The following ADAMTS6 variants were observed in gnomAD, a reference collection of about 807,000 sequenced individuals.
The protein encoded by ADAMTS6 is ADAM metallopeptidase with thrombospondin type 1 motif 6.
Under a neutral mutation model 144.3 loss-of-function variants are expected in ADAMTS6, and 23 were observed. The observed-to-expected ratio is 0.16, with a 90% confidence interval of 0.11 to 0.23. ADAMTS6 has a LOEUF of 0.23. ADAMTS6 is among the 10% of genes least tolerant of loss of function. ADAMTS6 has a pLI of 1.00. For synonymous variants in ADAMTS6, 444 were observed against 457.5 expected (o/e 0.97, Z 0.38); for missense variants, 999 against 1,379.6 (o/e 0.72, Z 4.37).
chr5:65,282,568 C>T (rs1263365128), intron 11 of ADAMTS6, among the ~76,000 whole-genome samples: 1 of 152,028 alleles, frequency 6.6e-6, no homozygotes, highest in Admixed American at 6.6e-5. Context: ...AGAGACAGCT[C>T]TACAGGGCCG....
chr5:65,260,192 T>C (rs1008975626), intron 14 of ADAMTS6, among the ~76,000 whole-genome samples: 3 of 152,176 alleles, frequency 2.0e-5, no homozygotes, highest in African/African-American at 4.8e-5. Context: ...GGAGGAAATA[T>C]ACAGCATCTT....
At chr5:65,362,173 C>T (rs750862391) in intron 7 of ADAMTS6, among the ~76,000 whole-genome samples, 4 of 152,116 alleles carry the variant, frequency 2.6e-5, no homozygotes, top group Non-Finnish European at 5.9e-5. Flanking sequence ...CATAGTGATC[C>T]ACAGATTATA....
At position 65,196,984 on chromosome 5, in the gene ADAMTS6, C is replaced by T. The variant is rs572174557; in HGVS notation, c.2705+38G>A. ...AATACATAATGTTTTTCTCTTTGCA[C>T]CTGAAGAAAATAATTCTCATTTCTT... On this transcript the variant is annotated intron_variant, in intron 21 of 24. Coordinates refer to ENST00000381055, the MANE Select transcript of ADAMTS6 (RefSeq NM_197941.4). 1.4e-5 allele frequency: 23 copies of T among 1,595,340 alleles called. 1 individual carries two copies. In the South Asian group the frequency reaches 2.6e-4, roughly 18 times the overall value.
At chr5:65,171,420 A>T (rs1049355655) in intron 23 of ADAMTS6, among the ~76,000 whole-genome samples, 1 of 152,226 alleles carries the variant, frequency 6.6e-6, no homozygotes, top group Non-Finnish European at 1.5e-5. Flanking sequence ...TTACCCTAGC[A>T]AACAGACTCA....
intron 23 of ADAMTS6, among the ~76,000 whole-genome samples, chr5:65,172,045 C>T (rs751529529): frequency 3.5e-5 from 3 of 85,832 alleles, no homozygotes; most frequent in African/African-American, 1.0e-4. Context: ...ACATTGAAGC[C>T]CTGTTGGATT....
intron 7 of ADAMTS6, among the ~76,000 whole-genome samples, chr5:65,406,128 T>C (rs964116722): frequency 6.6e-5 from 10 of 152,208 alleles, no homozygotes; most frequent in Non-Finnish European, 1.5e-4. Flanking sequence ...CCTAATTGAA[T>C]ACCCTTTATT....
intron 7 of ADAMTS6, among the ~76,000 whole-genome samples, chr5:65,424,943 CT>C (rs1345539408): frequency 6.6e-6 from 1 of 152,014 alleles, no homozygotes; most frequent in East Asian, 1.9e-4. Flanking sequence ...TAATTTTTTA[CT>C]CCCTTGGTTT....
At chr5:65,365,848 G>T (rs1343542427) in intron 7 of ADAMTS6, among the ~76,000 whole-genome samples, 1 of 152,038 alleles carries the variant, frequency 6.6e-6, no homozygotes, top group Non-Finnish European at 1.5e-5. Flanking sequence ...AGTAAAATGT[G>T]TCTTTGCCTG....
chr5:65,177,618 C>A (rs1233040956), intron 22 of ADAMTS6, among the ~76,000 whole-genome samples: 2 of 152,162 alleles, frequency 1.3e-5, no homozygotes, highest in Non-Finnish European at 2.9e-5. Context: ...GGATGGACTG[C>A]CCCAACCAGT....
chr5:65,239,469 A>G (rs12657951), intron 15 of ADAMTS6, among the ~76,000 whole-genome samples: 26,449 of 152,136 alleles, frequency 0.17, 2,882 homozygotes, highest in African/African-American at 0.31. Context: ...AAGAAAACAT[A>G]TGAAAATATT....
At chr5:65,397,740 G>C (rs906182959) in intron 7 of ADAMTS6, among the ~76,000 whole-genome samples, 2 of 151,894 alleles carry the variant, frequency 1.3e-5, no homozygotes, top group Non-Finnish European at 2.9e-5. Flanking sequence ...AGCCAGGTGT[G>C]GTGGCACATG....
rs115320122 is a variant in ADAMTS6, at chr5:65,471,566, C to T, written c.98-424G>A. ...TAGAAATTATTATTTTTTAAGAAAT[C>T]ATCACACGGTGAAACCCCGCCTCTA... On this transcript the variant is annotated intron_variant, in intron 2 of 24. Transcript: ENST00000381055. 2.1e-3 allele frequency among the ~76,000 whole-genome samples: 326 copies of T among 151,666 alleles called. 2 individuals carry two copies. The highest frequency in any genetic ancestry group is 7.6e-3 in the African/African-American group (312 of 41,246).
chr5:65,417,178 TC>T (rs1755605713), intron 7 of ADAMTS6, among the ~76,000 whole-genome samples: 3 of 152,030 alleles, frequency 2.0e-5, no homozygotes. Flanking sequence ...AAATCCAACA[TC>T]CCTTTATGAC....
chr5:65,293,526 A>G (rs1222243187), intron 10 of ADAMTS6, among the ~76,000 whole-genome samples: 1 of 152,100 alleles, frequency 6.6e-6, no homozygotes, highest in Non-Finnish European at 1.5e-5. Context: ...AACTGTGTAG[A>G]TCCCAAAGAA....
chr5:65,330,426 G>C lies in ADAMTS6; in HGVS notation c.1118-943C>G, dbSNP rs577194002. ...AACAAAAAGTTATTTAGAAGTTGAA[G>C]GGGAAGTAGGAAAAACATTTTTTAT... On this transcript the variant is annotated intron_variant, in intron 8 of 24. Transcript: ENST00000381055. Among the ~76,000 whole-genome samples, 4 of 152,166 alleles carry C rather than the reference G, an allele frequency of 2.6e-5. No individual in the cohort carries two copies. In the South Asian group the frequency reaches 8.3e-4, roughly 32 times the overall value.
intron 7 of ADAMTS6, among the ~76,000 whole-genome samples, chr5:65,384,131 A>G (rs973860914): frequency 3.3e-5 from 5 of 152,190 alleles, no homozygotes; most frequent in African/African-American, 1.2e-4. Context: ...GTCTTGATGA[A>G]TAGCATCTGG....
At chr5:65,259,487 C>T (rs139764278) in intron 14 of ADAMTS6, among the ~76,000 whole-genome samples, 1,974 of 152,118 alleles carry the variant, frequency 0.013, 16 homozygotes, top group Non-Finnish European at 0.019. Flanking sequence ...TGTAGTTTCC[C>T]GGAAGCCTAT....
intron 22 of ADAMTS6, 48 bp downstream of exon 22, chr5:65,187,968 T>C (rs760834029): frequency 6.9e-6 from 11 of 1,588,416 alleles, no homozygotes; most frequent in South Asian, 1.1e-5. Context: ...TTAGGATAGA[T>C]AGTTAGGACA....
intron 7 of ADAMTS6, among the ~76,000 whole-genome samples, chr5:65,340,427 G>C (rs1196051289): frequency 1.3e-5 from 2 of 151,938 alleles, no homozygotes; most frequent in Non-Finnish European, 2.9e-5. Context: ...ATGAAAACAT[G>C]TAGAATTATA....
Sources: gnomAD v4.1 joint callset for allele counts (sites outside exome capture counted in the v4.1 genomes callset) on GRCh38, gnomAD v4.1.1 for gene constraint, MANE v1.5 for transcripts, NCBI Gene and HGNC (gene_info 2026-07-23, HGNC 2026-07-21) for gene names.